Variants in ZNF385D observed in about 807,000 individuals in gnomAD.
The protein encoded by ZNF385D is zinc finger protein 659.
A neutral mutation model predicts 35.8 loss-of-function variants in ZNF385D; 15 were observed. That is an observed-to-expected ratio of 0.42 (90% CI 0.28 to 0.64). ZNF385D has a LOEUF of 0.64. Among genes scored for constraint, ZNF385D ranks in the 30% least tolerant of loss-of-function variants. ZNF385D has a pLI of 0.23. For missense variants in ZNF385D, 474 were observed against 494.6 expected (o/e 0.96, Z 0.39); for synonymous variants, 212 against 186.8 (o/e 1.13, Z -1.10).
At chr3:21,867,565 G>T (rs1324914797) in intron 3 of ZNF385D, among the ~76,000 whole-genome samples, 2 of 152,056 alleles carry the variant, frequency 1.3e-5, no homozygotes, top group East Asian at 3.9e-4. Flanking sequence ...TACTCTATTT[G>T]CATCTTGTAT....
At chr3:21,801,532 C>T (rs71310284) in intron 3 of ZNF385D, among the ~76,000 whole-genome samples, 8,276 of 152,138 alleles carry the variant, frequency 0.054, 543 homozygotes, top group East Asian at 0.3. Context: ...TGTAAACTTC[C>T]AGTTTATGTA....
At chr3:21,811,351 A>G (rs1017497332) in intron 3 of ZNF385D, among the ~76,000 whole-genome samples, 5 of 152,114 alleles carry the variant, frequency 3.3e-5, no homozygotes, top group Non-Finnish European at 7.4e-5. Context: ...TGGGAGAGGA[A>G]ATATTCAAGA....
At chr3:21,677,996 T>C (rs1018606082) in intron 1 of ZNF385D, among the ~76,000 whole-genome samples, 7 of 152,032 alleles carry the variant, frequency 4.6e-5, no homozygotes, top group Admixed American at 2.0e-4. Context: ...ACTCAGGGCA[T>C]ATATTATTCA....
intron 3 of ZNF385D, among the ~76,000 whole-genome samples, chr3:22,085,722 G>C (rs570888879): frequency 3.3e-5 from 5 of 152,118 alleles, no homozygotes; most frequent in African/African-American, 4.8e-5. Flanking sequence ...GAATCATCCT[G>C]ATACCAAAAC....
chr3:21,843,261 C>T (rs995580316), intron 3 of ZNF385D, among the ~76,000 whole-genome samples: 3 of 151,916 alleles, frequency 2.0e-5, no homozygotes, highest in African/African-American at 7.2e-5. Flanking sequence ...CAGGTAGAAG[C>T]ACTCAGGGGA....
chr3:21,944,393 C>G (rs564572080), intron 3 of ZNF385D, among the ~76,000 whole-genome samples: 2 of 152,166 alleles, frequency 1.3e-5, no homozygotes, highest in Non-Finnish European at 2.9e-5. Context: ...GGCAGTCAAG[C>G]TTTCATAGGG....
At chr3:21,730,198 G>T (rs2068932386) in intron 1 of ZNF385D, among the ~76,000 whole-genome samples, 1 of 152,112 alleles carries the variant, frequency 6.6e-6, no homozygotes. Flanking sequence ...CAGAGCATAG[G>T]ATCAAAATCA....
intron 2 of ZNF385D, among the ~76,000 whole-genome samples, chr3:22,359,074 CA>C (rs564037085): frequency 3.6e-4 from 44 of 122,862 alleles, no homozygotes; most frequent in Admixed American, 5.5e-4. Flanking sequence ...ACAAAAAAAC[CA>C]AAAAAAAAAA....
intron 3 of ZNF385D, among the ~76,000 whole-genome samples, chr3:21,966,728 C>T (rs139433492): frequency 1.3e-5 from 2 of 152,244 alleles, no homozygotes; most frequent in African/African-American, 2.4e-5. Flanking sequence ...ATTACAGGCA[C>T]GCACCACCAC....
chr3:22,143,781 A>C (rs906834111), intron 3 of ZNF385D, among the ~76,000 whole-genome samples: 11 of 152,276 alleles, frequency 7.2e-5, no homozygotes, highest in African/African-American at 2.6e-4. Flanking sequence ...ATTAAATTTC[A>C]TTTGGAGTTT....
intron 3 of ZNF385D, among the ~76,000 whole-genome samples, chr3:21,527,623 T>A (rs183430335): frequency 3.3e-5 from 5 of 152,286 alleles, no homozygotes; most frequent in Admixed American, 3.3e-4. Context: ...CCTCCACAGA[T>A]TAGTATTTTA....
Position 21,425,577 on chromosome 3 carries a change from T to A in ZNF385D, c.767A>T (p.Asn256Ile), listed in dbSNP as rs774046883. Residue 256 changes from asparagine (N) to isoleucine (I), a missense_variant, in exon 6 of 8, where the codon AAT becomes ATT. By Grantham distance (149) the Asn-to-Ile change is moderately radical (BLOSUM62 -3). Coordinates refer to ENST00000281523, the MANE Select transcript of ZNF385D (RefSeq NM_024697.3). ...ATTTTGGAGGCCTGTGTTTCCTTTA[T>A]TAACAGGTCCTTTGCCTTTCACTCC... The part of the protein sequence containing the change: ...RAGVKGKGPV[N>I]KGNTGLQNKT... 1 of 1,611,948 alleles carries A rather than the reference T, an allele frequency of 6.2e-7. No individual in the cohort carries two copies. Among genetic ancestry groups the A allele is most frequent in the East Asian group, 2.2e-5 (1 of 44,780 alleles).
intron 2 of ZNF385D, among the ~76,000 whole-genome samples, chr3:21,635,307 A>T (rs2065395269): frequency 6.6e-6 from 1 of 152,112 alleles, no homozygotes; most frequent in Non-Finnish European, 1.5e-5. Flanking sequence ...CTAATAGGTA[A>T]AATGTATGAG....
intron 3 of ZNF385D, among the ~76,000 whole-genome samples, chr3:22,163,538 GT>G (rs372215118): frequency 1.5e-4 from 23 of 151,994 alleles, no homozygotes; most frequent in Non-Finnish European, 2.9e-4. Flanking sequence ...GCTTATTCAA[GT>G]TTTTTTTGTA....
chr3:22,013,227 AAAT>A (rs1270269347), intron 3 of ZNF385D, among the ~76,000 whole-genome samples: 7 of 152,078 alleles, frequency 4.6e-5, no homozygotes, highest in Non-Finnish European at 1.0e-4. Flanking sequence ...CCTCTAATGA[AAAT>A]AATACTTGCT....
At chr3:22,245,847 T>C (rs1276518196) in intron 2 of ZNF385D, among the ~76,000 whole-genome samples, 2 of 152,074 alleles carry the variant, frequency 1.3e-5, no homozygotes, top group African/African-American at 4.8e-5. Context: ...AGAATTGTGA[T>C]TGGATTTGAC....
chr3:21,758,340 A>G (rs1379552487), intron 3 of ZNF385D, among the ~76,000 whole-genome samples: 3 of 152,196 alleles, frequency 2.0e-5, no homozygotes, highest in Non-Finnish European at 2.9e-5. Flanking sequence ...AGTGATTGGA[A>G]CATGCCATTA....
intron 3 of ZNF385D, among the ~76,000 whole-genome samples, chr3:22,063,893 C>G (rs1328233685): frequency 6.6e-6 from 1 of 152,198 alleles, no homozygotes; most frequent in African/African-American, 2.4e-5. Flanking sequence ...TTTGTTTTGA[C>G]AGCAGGACAC....
intron 1 of ZNF385D, among the ~76,000 whole-genome samples, chr3:21,674,330 G>A (rs1358463852): frequency 1.3e-5 from 2 of 152,052 alleles, no homozygotes; most frequent in South Asian, 2.1e-4. Context: ...GAGACCAATG[G>A]AGACAATTAT....
Sources: gnomAD v4.1 joint callset for allele counts (sites outside exome capture counted in the v4.1 genomes callset) on GRCh38, gnomAD v4.1.1 for gene constraint, MANE v1.5 for transcripts, NCBI Gene and HGNC (gene_info 2026-07-23, HGNC 2026-07-21) for gene names.